DGKB: variants seen among roughly 807,000 people sequenced by gnomAD.
DGKB encodes the protein diacylglycerol kinase beta, also known as 90 kDa diacylglycerol kinase.
A neutral mutation model predicts 114.3 loss-of-function variants in DGKB; 67 were observed. That is an observed-to-expected ratio of 0.59 (90% CI 0.48 to 0.72). The LOEUF is 0.72. Among genes scored for constraint, DGKB ranks in the 30% least tolerant of loss-of-function variants. The pLI, the probability that DGKB is intolerant of heterozygous loss-of-function variation, is 0.00. For missense variants in DGKB, 907 were observed against 975.2 expected (o/e 0.93, Z 0.93); for synonymous variants, 398 against 323.1 (o/e 1.23, Z -2.49).
At chr7:14,682,909 A>G in intron 10 of DGKB, 68 bp from the exon 11 acceptor site, 1 of 1,114,054 alleles carries the variant, frequency 9.0e-7, no homozygotes, top group Non-Finnish European at 1.3e-6. Flanking sequence ...TAGAGAAAGA[A>G]TGACATTAAC....
chr7:14,233,109 G>A (rs912978724), intron 23 of DGKB, among the ~76,000 whole-genome samples: 1 of 152,066 alleles, frequency 6.6e-6, no homozygotes, highest in Non-Finnish European at 1.5e-5. Flanking sequence ...CTTGGCTTGA[G>A]TTGGAAGACA....
At chr7:14,647,540 C>A (rs1252791161) in intron 13 of DGKB, among the ~76,000 whole-genome samples, 1 of 152,164 alleles carries the variant, frequency 6.6e-6, no homozygotes, top group East Asian at 1.9e-4. Flanking sequence ...CAACAAACTA[C>A]AGGCCAATAT....
intron 20 of DGKB, among the ~76,000 whole-genome samples, chr7:14,489,983 G>A (rs985980152): frequency 1.3e-5 from 2 of 152,066 alleles, no homozygotes; most frequent in African/African-American, 4.8e-5. Context: ...TAACTTTCAC[G>A]GCAAAAGTCT....
At chr7:14,972,527 A>G (rs927974185) in intron 1 of DGKB, among the ~76,000 whole-genome samples, 35 of 152,156 alleles carry the variant, frequency 2.3e-4, no homozygotes, top group African/African-American at 8.4e-4. Flanking sequence ...AAATAAATTT[A>G]AAACATTAGA....
intron 2 of DGKB, among the ~76,000 whole-genome samples, chr7:14,786,139 T>TACACAC (rs367551082): frequency 0.017 from 2,586 of 148,540 alleles, 57 homozygotes; most frequent in African/African-American, 0.059. Flanking sequence ...CAGGAACATG[T>TACACAC]ACACACACAC....
chr7:14,283,551 G>A (rs551394067), intron 23 of DGKB, among the ~76,000 whole-genome samples: 26 of 148,534 alleles, frequency 1.8e-4, no homozygotes, highest in Middle Eastern at 6.8e-3. Context: ...AGCCCGCATC[G>A]CCAAGTCAAT....
chr7:14,151,439 T>A (rs562724619), intron 25 of DGKB, among the ~76,000 whole-genome samples: 2 of 151,452 alleles, frequency 1.3e-5, no homozygotes, highest in African/African-American at 4.9e-5. Flanking sequence ...AAATTTTGTT[T>A]ATGACTATTC....
chr7:14,398,090 A>G (rs939418511), intron 21 of DGKB, among the ~76,000 whole-genome samples: 2 of 152,136 alleles, frequency 1.3e-5, no homozygotes, highest in African/African-American at 4.8e-5. Context: ...GGAGAAATGC[A>G]AGATAGATAA....
intron 23 of DGKB, among the ~76,000 whole-genome samples, chr7:14,265,318 C>CTTTATTTTTTTTTT (rs1797332346): frequency 1.5e-5 from 1 of 67,752 alleles, no homozygotes; most frequent in Non-Finnish European, 2.5e-5. Flanking sequence ...CTCTTGCATT[C>CTTTATTTTTTTTTT]TTTTTTTTTT....
intron 2 of DGKB, among the ~76,000 whole-genome samples, chr7:14,784,242 A>C (rs1839536874): frequency 6.6e-6 from 1 of 151,916 alleles, no homozygotes; most frequent in Admixed American, 6.6e-5. Context: ...CTATCGTCTA[A>C]GCTTTTCTTT....
At chr7:14,414,521 T>A (rs1021835354) in intron 21 of DGKB, among the ~76,000 whole-genome samples, 1 of 152,176 alleles carries the variant, frequency 6.6e-6, no homozygotes, top group Non-Finnish European at 1.5e-5. Flanking sequence ...GGAGAAGTCA[T>A]TTAATTAATC....
intron 23 of DGKB, among the ~76,000 whole-genome samples, chr7:14,241,294 A>C (rs970192056): frequency 6.6e-6 from 1 of 152,158 alleles, no homozygotes; most frequent in South Asian, 2.1e-4. Context: ...TCTCCCACCT[A>C]AAATTTTTAC....
chr7:14,200,745 T>G (rs538967556), intron 23 of DGKB, among the ~76,000 whole-genome samples: 1 of 152,096 alleles, frequency 6.6e-6, no homozygotes, highest in African/African-American at 2.4e-5. Flanking sequence ...TTAAGAGCAC[T>G]AACATGTAAA....
At chr7:14,769,070 TAAGAAAGAAAGAAAGAAAGAAAGAAAGA>T (rs5882458) in intron 2 of DGKB, among the ~76,000 whole-genome samples, 1,751 of 84,294 alleles carry the variant, frequency 0.021, 39 homozygotes, top group African/African-American at 0.079. Context: ...TTTTTAAAGA[TAAGAAAGAAAGAAAGAAAGAAAGAAAGA>T]AAGAAAGAAA....
intron 20 of DGKB, among the ~76,000 whole-genome samples, chr7:14,482,755 A>C (rs984297224): frequency 6.6e-6 from 1 of 152,138 alleles, no homozygotes; most frequent in Non-Finnish European, 1.5e-5. Flanking sequence ...TGAATGTACT[A>C]TGCTCTCCTG....
At chr7:14,305,258 A>T (rs1483546945) in intron 23 of DGKB, among the ~76,000 whole-genome samples, 1 of 152,136 alleles carries the variant, frequency 6.6e-6, no homozygotes, top group East Asian at 1.9e-4. Flanking sequence ...TGTACCCATT[A>T]ACCAACCTCT....
intron 23 of DGKB, among the ~76,000 whole-genome samples, chr7:14,329,424 A>T (rs1809318714): frequency 6.6e-6 from 1 of 151,970 alleles, no homozygotes; most frequent in South Asian, 2.1e-4. Flanking sequence ...ATTTCACGAA[A>T]TGGTACAATT....
intron 21 of DGKB, among the ~76,000 whole-genome samples, chr7:14,394,916 T>C (rs991376296): frequency 2.0e-5 from 3 of 152,032 alleles, no homozygotes; most frequent in African/African-American, 7.2e-5. Flanking sequence ...AATCCATCAG[T>C]GTTTTGCTCA....
intron 2 of DGKB, among the ~76,000 whole-genome samples, chr7:14,840,185 T>G (rs887191261): frequency 1.3e-5 from 2 of 152,218 alleles, no homozygotes; most frequent in African/African-American, 4.8e-5. Flanking sequence ...GTTGACCAGA[T>G]GCCTTAATTT....
Sources: allele counts gnomAD v4.1 joint callset (sites outside exome capture counted in the v4.1 genomes callset), GRCh38; gene constraint gnomAD v4.1.1; transcripts MANE v1.5; gene names NCBI Gene and HGNC (gene_info 2026-07-23, HGNC 2026-07-21).